EPHB1: variants seen among roughly 807,000 people sequenced by gnomAD.
EPHB1 encodes the protein ephrin type-B receptor 1.
Under a neutral mutation model 94.4 loss-of-function variants are expected in EPHB1, and 30 were observed. The ratio of observed to expected loss-of-function variants is 0.32; its 90% confidence interval spans 0.24 to 0.43. The LOEUF is 0.43. EPHB1 is among the 20% of genes least tolerant of loss of function. EPHB1 has a pLI of 1.00. For synonymous variants in EPHB1, 522 were observed against 489.1 expected (o/e 1.07, Z -0.89); for missense variants, 1,055 against 1,308.3 (o/e 0.81, Z 2.99).
chr3:135,036,961 G>A (rs547438162), intron 3 of EPHB1, among the ~76,000 whole-genome samples: 1 of 152,224 alleles, frequency 6.6e-6, no homozygotes, highest in East Asian at 1.9e-4. Flanking sequence ...CAAGTGTCAG[G>A]CCAAGTGGGC....
chr3:134,857,445 C>T (rs1038287661), intron 1 of EPHB1, among the ~76,000 whole-genome samples: 9 of 152,116 alleles, frequency 5.9e-5, no homozygotes, highest in East Asian at 1.9e-4. Flanking sequence ...CACCAGGACG[C>T]GTATGGGCCA....
At chr3:135,163,477 A>T (rs1173295777) in intron 7 of EPHB1, among the ~76,000 whole-genome samples, 1 of 152,170 alleles carries the variant, frequency 6.6e-6, no homozygotes, top group Non-Finnish European at 1.5e-5. Context: ...GGATGGTGAG[A>T]TGGGGTAGAG....
At chr3:134,904,603 G>A (rs1355785300) in intron 1 of EPHB1, among the ~76,000 whole-genome samples, 1 of 152,144 alleles carries the variant, frequency 6.6e-6, no homozygotes, top group African/African-American at 2.4e-5. Flanking sequence ...ATGGGAAAAA[G>A]TTCATAGCTG....
At chr3:134,955,929 C>T (rs1209047653) in intron 3 of EPHB1, among the ~76,000 whole-genome samples, 1 of 152,188 alleles carries the variant, frequency 6.6e-6, no homozygotes, top group Non-Finnish European at 1.5e-5. Context: ...TCCCCTCTTC[C>T]CTGCTGAGGT....
In EPHB1 at chr3:134,951,963, A is replaced by G. The variant is rs1933049901; in HGVS notation, c.716A>G (p.Tyr239Cys). 1 of 1,614,022 alleles carries G rather than the reference A, an allele frequency of 6.2e-7. No individual in the cohort carries two copies. The highest frequency in any genetic ancestry group is 8.5e-7 in the Non-Finnish European group (1 of 1,179,892). The change falls in exon 3 of 16, where the codon TAC becomes TGC. Residue 239 changes from tyrosine to cysteine, a missense_variant. By Grantham distance (194) the Tyr-to-Cys change is radical. Transcript: ENST00000398015. This position sits in a 1 kb window ranked among gnomAD's most constrained non-coding sequence, Gnocchi z 4.5. ...GAAGTGGACGTGCCCATCAAACTCT[A>G]CTGCAACGGGGATGGGGAATGGATG... ...AEEVDVPIKL[Y>C]CNGDGEWMVP... is the part of the protein sequence containing the mutation.
chr3:135,251,605 C>CTT (rs1409930924), intron 15 of EPHB1, among the ~76,000 whole-genome samples: 4 of 152,204 alleles, frequency 2.6e-5, no homozygotes, highest in African/African-American at 9.7e-5. Context: ...AACTGAGCAA[C>CTT]TTAATAAAAT....
intron 1 of EPHB1, among the ~76,000 whole-genome samples, chr3:134,898,759 C>T (rs975672650): frequency 1.3e-5 from 2 of 152,134 alleles, no homozygotes; most frequent in African/African-American, 2.4e-5. Flanking sequence ...AGAGGAGTTC[C>T]AGGGATCCTC....
rs138149355 is a variant in EPHB1, at chr3:134,977,338, C to T, written c.805+25286C>T. Reference sequence around the variant, plus strand: ...TGGACCTGCAGAAAATCCATCTTCACGAAGAATGGACTCCTGCATCCTGCA... The same window carrying T: ...TGGACCTGCAGAAAATCCATCTTCATGAAGAATGGACTCCTGCATCCTGCA... On this transcript the variant is annotated intron_variant, in intron 3 of 15. Coordinates refer to ENST00000398015, the MANE Select transcript of EPHB1 (RefSeq NM_004441.5). Among the ~76,000 whole-genome samples the T allele has an allele frequency of 4.0e-3, 604 of 152,340 alleles. 5 individuals are homozygous for T. Among genetic ancestry groups the T allele is most frequent in the Non-Finnish European group, 6.6e-3 (451 of 68,030 alleles).
At chr3:134,854,478 G>A (rs1286556089) in intron 1 of EPHB1, among the ~76,000 whole-genome samples, 20 of 152,054 alleles carry the variant, frequency 1.3e-4, no homozygotes, top group Admixed American at 7.9e-4. Context: ...CCATCAGCCC[G>A]CACTGAGGAG....
At chr3:134,925,551 TG>T (rs1004712169) in intron 1 of EPHB1, among the ~76,000 whole-genome samples, 9 of 152,266 alleles carry the variant, frequency 5.9e-5, no homozygotes, top group African/African-American at 2.2e-4. Context: ...ACAGGAGCCT[TG>T]GGGTCACCGG....
chr3:135,119,148 A>C (rs1249586027), intron 4 of EPHB1, among the ~76,000 whole-genome samples: 1 of 152,116 alleles, frequency 6.6e-6, no homozygotes, highest in Non-Finnish European at 1.5e-5. Flanking sequence ...ATGTTTATTG[A>C]CCAATTTAGT....
intron 3 of EPHB1, among the ~76,000 whole-genome samples, chr3:135,016,768 C>G (rs878862460): frequency 1.3e-5 from 2 of 152,276 alleles, no homozygotes; most frequent in South Asian, 4.1e-4. Context: ...TTTTTTCCTT[C>G]TTTCAAGATC....
chr3:135,251,620 T>C (rs1933103287), intron 15 of EPHB1, among the ~76,000 whole-genome samples: 1 of 152,234 alleles, frequency 6.6e-6, no homozygotes, highest in Non-Finnish European at 1.5e-5. Flanking sequence ...TAAAATAGAT[T>C]GTGGGACAAT....
At chr3:135,165,905 A>C in intron 7 of EPHB1, 63 bp from the exon 8 acceptor site, 1 of 1,174,042 alleles carries the variant, frequency 8.5e-7, no homozygotes, top group South Asian at 1.2e-5. Context: ...GGTATTGTGC[A>C]CTGAGTATCA....
chr3:134,977,913 G>A (rs561883473), intron 3 of EPHB1: 1 of 452,816 alleles, frequency 2.2e-6, no homozygotes, highest in South Asian at 1.6e-5. Flanking sequence ...GTGAAGGAGA[G>A]AATGGAAGGA....
At chr3:135,097,168 G>GTTTTTTTTTTTTTT (rs145129220) in intron 3 of EPHB1, among the ~76,000 whole-genome samples, 4 of 104,564 alleles carry the variant, frequency 3.8e-5, no homozygotes, top group African/African-American at 1.1e-4. Flanking sequence ...TTTTTTCTTT[G>GTTTTTTTTTTTTTT]TTTTTTTTTT....
At chr3:135,167,104 C>A in intron 9 of EPHB1, 98 bp downstream of exon 9, 2 of 1,409,766 alleles carry the variant, frequency 1.4e-6, no homozygotes, top group South Asian at 1.2e-5. Context: ...CTGGCTGGTC[C>A]CAGTGGCAAG....
chr3:134,960,301 A>T (rs1933463412), intron 3 of EPHB1, among the ~76,000 whole-genome samples: 1 of 152,120 alleles, frequency 6.6e-6, no homozygotes, highest in Non-Finnish European at 1.5e-5. Context: ...CCACCCAGGA[A>T]CAAGCCTTAT....
chr3:134,894,687 CT>C (rs1359972485), intron 1 of EPHB1, among the ~76,000 whole-genome samples: 3 of 152,242 alleles, frequency 2.0e-5, no homozygotes, highest in African/African-American at 7.2e-5. Context: ...AGTACCCAGA[CT>C]CTCTGCTGTG....
Sources: gnomAD v4.1 joint callset for allele counts (sites outside exome capture counted in the v4.1 genomes callset) on GRCh38, gnomAD v4.1.1 for gene constraint, Gnocchi (gnomAD v3.1) non-coding constraint, MANE v1.5 for transcripts, NCBI Gene and HGNC (gene_info 2026-07-23, HGNC 2026-07-21) for gene names.